The following SLCO4A1 variants were observed in gnomAD, a reference collection of about 807,000 sequenced individuals.
SLCO4A1 encodes solute carrier organic anion transporter family member 4A1, also known as colon organic anion transporter.
A neutral mutation model predicts 64.6 loss-of-function variants in SLCO4A1; 51 were observed. The observed-to-expected ratio is 0.79, with a 90% CI of 0.63 to 1.00. The LOEUF (loss-of-function observed/expected upper bound fraction) is 1.00, where lower values mean the gene tolerates loss of function less well. SLCO4A1 is among the 50% of genes least tolerant of loss of function. The pLI is 0.00. For missense variants in SLCO4A1, 919 were observed against 980.5 expected (o/e 0.94, Z 0.84); for synonymous variants, 471 against 444.9 (o/e 1.06, Z -0.74).
intron 6 of SLCO4A1, chr20:62,665,635 T>C (rs6122335): frequency 0.55 from 84,441 of 153,172 alleles, 24,723 homozygotes; most frequent in East Asian, 0.83. Context: ...GGGTCCACTA[T>C]CTGGACAGGA....
chr20:62,688,977 A>T (rs935312013), downstream of SLCO4A1, among the ~76,000 whole-genome samples: 6 of 152,196 alleles, frequency 3.9e-5, no homozygotes, highest in African/African-American at 1.4e-4. Flanking sequence ...GCTCATCACA[A>T]AAGCTCGAGC....
chr20:62,680,987 C>T (rs189610221), intron 2 of SLCO4A1, among the ~76,000 whole-genome samples: 70 of 152,300 alleles, frequency 4.6e-4, no homozygotes, highest in Middle Eastern at 3.4e-3. Context: ...TCACTGTAGG[C>T]TCAACCTCCC....
At chr20:62,662,345 G>C (rs1016422348) in intron 5 of SLCO4A1, among the ~76,000 whole-genome samples, 1 of 152,042 alleles carries the variant, frequency 6.6e-6, no homozygotes, top group African/African-American at 2.4e-5. Flanking sequence ...GTAGGCACTG[G>C]CTCACCCTCT....
At position 62,642,566 on chromosome 20, in the gene SLCO4A1, G is replaced by A. The variant is rs1426170701; in HGVS notation, c.-97+13G>A. 1 of 192,852 alleles carries A rather than the reference G, an allele frequency of 5.2e-6. No homozygotes were observed. The highest frequency in any genetic ancestry group is 2.4e-5 in the African/African-American group (1 of 41,620). The allele number at this position is 192,852 out of a possible 1,614,324, so 11.9% of individuals were successfully genotyped here. ...CGAGACGGGGACGGTGAGTGCGCGG[G>A]GAGCGGGGAGCTGGCGCGGGTGCAC... On this transcript the variant is annotated intron_variant, in intron 1 of 11. Transcript: ENST00000217159.
Position 62,661,160 on chromosome 20 carries a change from T to A in SLCO4A1, c.1106T>A (p.Ile369Asn). 6.2e-7 allele frequency: 1 copy of A among 1,612,462 alleles called. No individual in the cohort carries two copies. The highest frequency in any genetic ancestry group is 8.5e-7 in the Non-Finnish European group (1 of 1,179,134). The change falls in exon 5 of 12, where the codon ATC becomes AAC. Residue 369 changes from isoleucine to asparagine, a missense_variant. Transcript: ENST00000217159. The surrounding 1 kb of genome is among the most constrained non-coding windows in gnomAD (Gnocchi z 5.2). ...EASNPDFGKT[I>N]RDLPLSIWLL... is the part of the protein sequence containing the mutation. ...AGCAACCCGGACTTTGGGAAAACCA[T>A]CAGAGACCTGCCTCTGTAAGGACCG...
Position 62,642,509 on chromosome 20 carries a change from T to C in SLCO4A1, c.-141T>C, listed in dbSNP as rs1980520235. On this transcript the variant is annotated 5_prime_UTR_variant, in exon 1 of 12. Coordinates refer to ENST00000217159, the MANE Select transcript of SLCO4A1 (RefSeq NM_016354.4). ...CGTGGCTGCCGGGGAGGCCAGAGCG[T>C]GGAGCGCTGCGCGGCGCGGCGGCCG... The C allele has an allele frequency of 4.4e-6, 1 of 227,446 alleles. No homozygotes were observed. Among genetic ancestry groups the C allele is most frequent in the South Asian group, 4.2e-5 (1 of 24,008 alleles). The allele number at this position is 227,446 out of a possible 1,614,324, so 14.1% of individuals were successfully genotyped here.
chr20:62,687,218 G>A (rs961728981), downstream of SLCO4A1, among the ~76,000 whole-genome samples: 9 of 140,896 alleles, frequency 6.4e-5, no homozygotes, highest in Non-Finnish European at 9.5e-5. Context: ...AAACAGGAGC[G>A]GGGGCCTCTG....
intron 1 of SLCO4A1, among the ~76,000 whole-genome samples, chr20:62,655,553 G>A (rs1012622886): frequency 2.6e-5 from 4 of 152,180 alleles, no homozygotes; most frequent in African/African-American, 7.2e-5. Flanking sequence ...GTGGAGCCTC[G>A]GGATGGTGGG....
At chr20:62,660,261 G>A in intron 3 of SLCO4A1, 151 bp from the exon 4 acceptor site, 2 of 831,082 alleles carry the variant, frequency 2.4e-6, no homozygotes, top group Non-Finnish European at 1.8e-6. Context: ...GACAGGACCT[G>A]TGGCCAGCAG....
In SLCO4A1 at chr20:62,660,526, G is replaced by C. The variant is rs754190567; in HGVS notation, c.1002G>C (p.Gln334His). 3.1e-6 allele frequency: 5 copies of C among 1,605,014 alleles called. No individual in the cohort carries two copies. In the South Asian group the frequency reaches 3.3e-5, roughly 11 times the overall value. The change falls in exon 4 of 12, where the codon CAG becomes CAC. Residue 334 changes from glutamine to histidine, a missense_variant. Coordinates refer to ENST00000217159, the MANE Select transcript of SLCO4A1 (RefSeq NM_016354.4). ...TAVPILGYPR[Q>H]LPGSQRYAVM... ...TTCCCATCCTTGGTTACCCTCGGCA[G>C]CTGCCAGGTGGGTTTCCCTTCCCCA...
chr20:62,667,612 G>GA, intron 7 of SLCO4A1, 133 bp from the exon 8 acceptor site: 1 of 1,073,022 alleles, frequency 9.3e-7, no homozygotes, highest in Middle Eastern at 3.2e-4. Flanking sequence ...GCTGGGGGCG[G>GA]TGCAAGCTTG....
intron 1 of SLCO4A1, chr20:62,650,431 C>G (rs2147063759): frequency 6.6e-6 from 1 of 152,400 alleles, no homozygotes; most frequent in African/African-American, 2.4e-5. Flanking sequence ...CACCCCACAC[C>G]AGCTTATCCA....
rs1365963881 is a variant in SLCO4A1 at position 62,662,037 on chromosome 20, G to GCA, written c.1121+863_1121+864insAC. On this transcript the variant is annotated intron_variant, in intron 5 of 11. Transcript: ENST00000217159. ...TGCCCTTGTAGCAGCAGGTCCCTGA[G>GCA]CTCACAAATGGCTGTGTCTCACTGG... 2.0e-5 allele frequency among the ~76,000 whole-genome samples: 3 copies of GCA among 152,180 alleles called. No homozygotes were observed. In the East Asian group the frequency reaches 5.8e-4, roughly 29 times the overall value.
downstream of SLCO4A1, among the ~76,000 whole-genome samples, chr20:62,676,869 G>A (rs1987620065): frequency 6.6e-6 from 1 of 152,224 alleles, no homozygotes; most frequent in Non-Finnish European, 1.5e-5. Flanking sequence ...GCTCATAACA[G>A]TCAAAAAGTG....
intron 11 of SLCO4A1, among the ~76,000 whole-genome samples, chr20:62,671,062 C>T (rs1987142607): frequency 6.6e-6 from 1 of 152,226 alleles, no homozygotes; most frequent in African/African-American, 2.4e-5. Flanking sequence ...CGTCCTCTTG[C>T]CCTGCAAAGT....
downstream of SLCO4A1, among the ~76,000 whole-genome samples, chr20:62,675,590 G>GGCCCCA (rs1455126798): frequency 1.3e-5 from 2 of 152,206 alleles, no homozygotes; most frequent in South Asian, 2.1e-4. Flanking sequence ...GCCTGGTCCC[G>GGCCCCA]GCCCCAGCCC....
rs55724567 is a variant in SLCO4A1, at chr20:62,670,478, C to T, written c.2026-1272C>T. Among the ~76,000 whole-genome samples the T allele has an allele frequency of 9.6e-3, 1,466 of 152,348 alleles. 21 individuals carry two copies. The highest frequency in any genetic ancestry group is 0.037 in the Middle Eastern group (11 of 294). On this transcript the variant is annotated intron_variant, in intron 11 of 11. Transcript: ENST00000217159. ...CAAAGCACCGGAGCACTCACGCCGC[C>T]GTTCAGCTCTGCCAATGGGAAGCCG...
At chr20:62,664,889 C>G (rs954948435) in intron 5 of SLCO4A1, 45 bp from the exon 6 acceptor site, 1 of 1,540,308 alleles carries the variant, frequency 6.5e-7, no homozygotes, top group Admixed American at 2.0e-5. Context: ...CTCTGCCCAC[C>G]ACTCTGACCC....
chr20:62,660,037 G>GA (rs1286120323), intron 3 of SLCO4A1, among the ~76,000 whole-genome samples: 2 of 152,238 alleles, frequency 1.3e-5, no homozygotes, highest in African/African-American at 2.4e-5. Flanking sequence ...GCGTCCCTGG[G>GA]AACCCCATCT....
Sources: gnomAD v4.1 joint callset for allele counts (sites outside exome capture counted in the v4.1 genomes callset) on GRCh38, gnomAD v4.1.1 for gene constraint, Gnocchi (gnomAD v3.1) non-coding constraint, MANE v1.5 for transcripts, NCBI Gene and HGNC (gene_info 2026-07-23, HGNC 2026-07-21) for gene names.